PDE10A: variants seen among roughly 807,000 people sequenced by gnomAD.
The protein encoded by PDE10A is cAMP and cAMP-inhibited cGMP 3',5'-cyclic phosphodiesterase 10A.
A neutral mutation model predicts 97.7 loss-of-function variants in PDE10A; 39 were observed. The ratio of observed to expected loss-of-function variants is 0.40; its 90% CI spans 0.31 to 0.52. The LOEUF (loss-of-function observed/expected upper bound fraction) is 0.52, where lower values mean the gene tolerates loss of function less well. Among genes scored for constraint, PDE10A ranks in the 20% least tolerant of loss-of-function variants. The pLI is 0.56. For missense variants in PDE10A, 731 were observed against 1,047.8 expected (o/e 0.70, Z 4.17); for synonymous variants, 371 against 376.8 (o/e 0.98, Z 0.18).
chr6:165,936,503 TAC>T (rs1174490335), intron 1 of PDE10A, among the ~76,000 whole-genome samples: 1 of 152,216 alleles, frequency 6.6e-6, no homozygotes, highest in African/African-American at 2.4e-5. Flanking sequence ...GGTCAAATGC[TAC>T]ACCCATGTGT....
chr6:165,792,890 G>A (rs1179869718), intron 1 of PDE10A, among the ~76,000 whole-genome samples: 1 of 152,150 alleles, frequency 6.6e-6, no homozygotes, highest in Non-Finnish European at 1.5e-5. Context: ...TCTCTGCTGG[G>A]ACTCTCATGG....
At chr6:165,748,316 A>G (rs1792890319) in intron 1 of PDE10A, among the ~76,000 whole-genome samples, 1 of 152,238 alleles carries the variant, frequency 6.6e-6, no homozygotes. Context: ...ATATAAATAC[A>G]AACAACCTGT....
chr6:165,748,039 C>T (rs1792882752), intron 1 of PDE10A, among the ~76,000 whole-genome samples: 1 of 152,094 alleles, frequency 6.6e-6, no homozygotes, highest in Non-Finnish European at 1.5e-5. Flanking sequence ...GGGGTAAGAG[C>T]TTATTGGGGA....
At chr6:165,493,748 C>G (rs1305419115) in intron 2 of PDE10A, among the ~76,000 whole-genome samples, 1 of 152,114 alleles carries the variant, frequency 6.6e-6, no homozygotes, top group African/African-American at 2.4e-5. Flanking sequence ...AAAAACCCTA[C>G]TAGACACTGG....
rs141243389 is a variant in PDE10A at position 165,489,650 on chromosome 6, G to A, written c.995-7307C>T. ...TCAGGTCGACTATTAAGCTAATTAA[G>A]GAGGCACCAGAGAAAGGTGAAATCC... On this transcript the variant is annotated intron_variant, in intron 2 of 21. Transcript: ENST00000539869. Among the ~76,000 whole-genome samples the A allele has an allele frequency of 1.6e-3, 248 of 152,246 alleles. No homozygotes were observed. The Middle Eastern group carries it at 0.02, about 13-fold the overall frequency.
chr6:165,492,527 T>C (rs186305604), intron 2 of PDE10A, among the ~76,000 whole-genome samples: 20 of 152,294 alleles, frequency 1.3e-4, no homozygotes, highest in Admixed American at 1.2e-3. Context: ...ATAGCAGGGA[T>C]GGTTTAACAT....
chr6:165,397,783 T>A (rs1024517730), intron 13 of PDE10A, among the ~76,000 whole-genome samples: 1 of 151,392 alleles, frequency 6.6e-6, no homozygotes, highest in Non-Finnish European at 1.5e-5. Context: ...TTTAAAAATA[T>A]TTAGCTTCCT....
intron 1 of PDE10A, among the ~76,000 whole-genome samples, chr6:165,730,572 T>G (rs923056578): frequency 6.7e-6 from 1 of 150,194 alleles, no homozygotes; most frequent in Non-Finnish European, 1.5e-5. Context: ...GCCAACATGG[T>G]GAAACCCGGT....
intron 1 of PDE10A, among the ~76,000 whole-genome samples, chr6:165,582,286 T>G: frequency 6.6e-6 from 1 of 152,112 alleles, no homozygotes. Context: ...TGGAGCTTAA[T>G]GAGGTAAGTG....
chr6:165,958,692 AAGAG>A (rs761319747), intron 1 of PDE10A, among the ~76,000 whole-genome samples: 5 of 126,636 alleles, frequency 3.9e-5, no homozygotes, highest in South Asian at 2.6e-4. Flanking sequence ...GAAAGAAAGA[AAGAG>A]AAAGAAAGAA....
intron 1 of PDE10A, among the ~76,000 whole-genome samples, chr6:165,884,069 T>C (rs556002662): frequency 6.5e-4 from 98 of 151,586 alleles, no homozygotes; most frequent in African/African-American, 2.3e-3. Context: ...TGGAGGAAGG[T>C]GATGGGAGGG....
At chr6:165,700,882 A>C (rs758958524) in intron 1 of PDE10A, among the ~76,000 whole-genome samples, 5 of 152,208 alleles carry the variant, frequency 3.3e-5, no homozygotes, top group Non-Finnish European at 7.3e-5. Context: ...GAGCAAAAGT[A>C]AGCCATTTGA....
chr6:165,933,864 C>T (rs759930673), intron 1 of PDE10A, among the ~76,000 whole-genome samples: 1 of 152,206 alleles, frequency 6.6e-6, no homozygotes, highest in Non-Finnish European at 1.5e-5. Flanking sequence ...ACCAAAACGG[C>T]TGCTTTGATG....
intron 1 of PDE10A, among the ~76,000 whole-genome samples, chr6:165,826,154 A>G (rs190248099): frequency 6.6e-6 from 1 of 152,244 alleles, no homozygotes; most frequent in East Asian, 1.9e-4. Flanking sequence ...TTTCTTGATC[A>G]CAGAGTTGAC....
chr6:165,904,525 G>A (rs919718148), intron 1 of PDE10A, among the ~76,000 whole-genome samples: 3 of 151,954 alleles, frequency 2.0e-5, no homozygotes, highest in Admixed American at 6.6e-5. Context: ...ATAAAGTCTC[G>A]CTCAATATTT....
At chr6:165,641,897 C>G (rs867202312) in intron 1 of PDE10A, among the ~76,000 whole-genome samples, 2 of 152,230 alleles carry the variant, frequency 1.3e-5, no homozygotes, top group African/African-American at 4.8e-5. Context: ...TCCAGCCACC[C>G]TGTACCTCCC....
In PDE10A at chr6:165,433,025, G is replaced by A. The variant is rs370389879; in HGVS notation, c.1440C>T (p.Leu480=). 298 of 1,613,710 alleles carry A rather than the reference G, an allele frequency of 1.8e-4. No homozygotes were observed. Among genetic ancestry groups the A allele is most frequent in the Middle Eastern group, 3.3e-4 (2 of 6,084 alleles). The change falls in exon 7 of 22, where the codon CTC becomes CTT. Residue 480 remains leucine (L), a synonymous_variant. Transcript: ENST00000539869. ...VTAIGDLIGI[L]ELYRHWGKEA... ...CTTTGCCCCAGTGCCGATACAGCTC[G>A]AGAATACCAATCAAGTCACCAATTG... is the stretch of plus-strand genomic sequence containing the variant.
intron 1 of PDE10A, among the ~76,000 whole-genome samples, chr6:165,731,974 A>G (rs893459206): frequency 2.0e-5 from 3 of 152,152 alleles, no homozygotes; most frequent in African/African-American, 7.2e-5. Flanking sequence ...CTTTTGGCAG[A>G]GAATATTAGC....
intron 1 of PDE10A, among the ~76,000 whole-genome samples, chr6:165,831,558 A>T (rs1779916267): frequency 6.8e-6 from 1 of 146,754 alleles, no homozygotes; most frequent in Admixed American, 6.8e-5. Flanking sequence ...GCTCACTGCA[A>T]GCTCTGCCTC....
Sources: gnomAD v4.1 joint callset for allele counts (sites outside exome capture counted in the v4.1 genomes callset) on GRCh38, gnomAD v4.1.1 for gene constraint, MANE v1.5 for transcripts, NCBI Gene and HGNC (gene_info 2026-07-23, HGNC 2026-07-21) for gene names.